Variants in NUP62CL observed in about 807,000 individuals in gnomAD.
NUP62CL encodes nucleoporin-62 C-terminal-like protein.
Under a neutral mutation model 15.3 loss-of-function variants are expected in NUP62CL, and 13 were observed. The observed-to-expected ratio is 0.85, with a 90% confidence interval of 0.55 to 1.35. The LOEUF is 1.35. Among genes scored for constraint, NUP62CL ranks in the 40% most tolerant of loss-of-function variants. The probability of loss-of-function intolerance (pLI) is 0.00; values close to 1 mark genes in which losing one functional copy is unlikely to be tolerated. For synonymous variants in NUP62CL, 54 were observed against 49.2 expected (o/e 1.10, Z -0.41); for missense variants, 123 against 130.6 (o/e 0.94, Z 0.28).
chrX:107,195,573 G>A (rs1468804460), intron 1 of NUP62CL, among the ~76,000 whole-genome samples: 1 of 112,386 alleles, frequency 8.9e-6, no homozygotes, highest in East Asian at 2.8e-4. Flanking sequence ...ACAGCATCTT[G>A]AATACTGTTA....
intron 7 of NUP62CL, among the ~76,000 whole-genome samples, chrX:107,152,423 G>A (rs1161030115): frequency 1.8e-5 from 2 of 109,270 alleles, no homozygotes; most frequent in Admixed American, 9.9e-5. Context: ...CATTTAATGC[G>A]CCTACAAAAA....
At chrX:107,150,943 A>T (rs1253118227) in intron 7 of NUP62CL, 2 of 341,437 alleles carry the variant, frequency 5.9e-6, no homozygotes, top group Non-Finnish European at 1.2e-5. Flanking sequence ...TCAGCTGAGC[A>T]TCTATACTTT....
intron 1 of NUP62CL, among the ~76,000 whole-genome samples, chrX:107,196,296 T>C (rs906004170): frequency 4.1e-4 from 46 of 112,481 alleles, no homozygotes; most frequent in African/African-American, 1.5e-3. Context: ...AAATATTTCA[T>C]ATCCTTAGCT....
intron 1 of NUP62CL, among the ~76,000 whole-genome samples, chrX:107,201,371 A>G (rs1927480845): frequency 9.0e-6 from 1 of 110,619 alleles, no homozygotes; most frequent in Non-Finnish European, 1.9e-5. Flanking sequence ...TCCCTCCTCC[A>G]GCCCCTGGTA....
chrX:107,150,724 C>A (rs755636149), intron 7 of NUP62CL: 1 of 260,701 alleles, frequency 3.8e-6, no homozygotes, highest in African/African-American at 2.8e-5. Flanking sequence ...GTCTCAAACT[C>A]TTGGCCTAAA....
At chrX:107,141,255 C>A (rs182199654) in intron 8 of NUP62CL, among the ~76,000 whole-genome samples, 14 of 111,917 alleles carry the variant, frequency 1.3e-4, no homozygotes, top group African/African-American at 4.6e-4. Context: ...AATTTTAGTA[C>A]CCTAATCAAA....
intron 1 of NUP62CL, among the ~76,000 whole-genome samples, chrX:107,193,388 G>A (rs1440543546): frequency 9.0e-6 from 1 of 111,591 alleles, no homozygotes; most frequent in Non-Finnish European, 1.9e-5. Context: ...TGAATTTGGG[G>A]TACGATTTAA....
intron 2 of NUP62CL, among the ~76,000 whole-genome samples, chrX:107,178,587 A>G (rs1001401099): frequency 1.3e-4 from 14 of 111,916 alleles, no homozygotes; most frequent in African/African-American, 4.2e-4. Context: ...TTCACCTTTA[A>G]AAGGAAAAAG....
At chrX:107,174,354 C>T (rs1013199917) in intron 3 of NUP62CL, among the ~76,000 whole-genome samples, 3 of 109,155 alleles carry the variant, frequency 2.7e-5, no homozygotes, top group Non-Finnish European at 5.7e-5. Flanking sequence ...GGTTTCACCA[C>T]ATTGCCCAGG....
At chrX:107,162,944 G>T (rs1353402519) in intron 4 of NUP62CL, among the ~76,000 whole-genome samples, 2 of 111,382 alleles carry the variant, frequency 1.8e-5, no homozygotes, top group Non-Finnish European at 3.8e-5. Flanking sequence ...TGATCTGACA[G>T]GAGGCGGAGC....
chrX:107,201,450 C>T (rs915151288), intron 1 of NUP62CL, among the ~76,000 whole-genome samples: 6 of 111,228 alleles, frequency 5.4e-5, no homozygotes, highest in Admixed American at 9.7e-5. Context: ...GGAATCATAA[C>T]AATATTTGCA....
Position 107,128,017 on chromosome X carries a change from TC to T in NUP62CL, c.*43-3686del, listed in dbSNP as rs751785288. Among the ~76,000 whole-genome samples, 17 of 111,140 alleles carry T rather than the reference TC, an allele frequency of 1.5e-4. No individual in the cohort carries two copies. The South Asian group carries it at 3.7e-3, about 24-fold the overall frequency. On this transcript the variant is annotated intron_variant, in intron 8 of 8. Coordinates refer to ENST00000372466, the MANE Select transcript of NUP62CL (RefSeq NM_017681.3). ...ACTGGAAAGAATGCAGAAAAATGGG[TC>T]CCCCCAATGAATTTCTGGTGAAAAT...
chrX:107,175,299 C>G (rs1030009617), intron 2 of NUP62CL, 106 bp from the exon 3 acceptor site: 3 of 449,018 alleles, frequency 6.7e-6, no homozygotes, highest in Non-Finnish European at 1.2e-5. Context: ...AAAAACAAAG[C>G]AAGGAAAAGC....
intron 8 of NUP62CL, among the ~76,000 whole-genome samples, chrX:107,143,546 G>GTTT (rs1925823205): frequency 9.0e-6 from 1 of 110,954 alleles, no homozygotes; most frequent in Non-Finnish European, 1.9e-5. Context: ...CAACTTTTTA[G>GTTT]TTAAATATAT....
chrX:107,157,930 G>A (rs1364212579), intron 4 of NUP62CL, among the ~76,000 whole-genome samples: 1 of 108,161 alleles, frequency 9.2e-6, no homozygotes, highest in Non-Finnish European at 1.9e-5. Flanking sequence ...AAGGATGGAG[G>A]AAGATCTACC....
intron 1 of NUP62CL, among the ~76,000 whole-genome samples, chrX:107,204,917 ATTAT>A (rs371433148): frequency 4.2e-4 from 37 of 88,547 alleles, no homozygotes; most frequent in Middle Eastern, 5.5e-3. Context: ...TTTTAAATAA[ATTAT>A]TTATTTAAAT....
chrX:107,124,270 G>A lies in NUP62CL; in HGVS notation c.*105C>T, dbSNP rs376676912. 5.9e-6 allele frequency: 2 copies of A among 341,556 alleles called. No homozygotes were observed. The highest frequency in any genetic ancestry group is 9.7e-5 in the East Asian group (1 of 10,282). 28.1% of individuals were successfully genotyped at this position (341,556 alleles called of 1,213,427 possible). A position where few individuals can be genotyped will look rare whatever the true frequency, so the allele number is the denominator to read the frequency against. On this transcript the variant is annotated 3_prime_UTR_variant, in exon 9 of 9. Transcript: ENST00000372466. ...AAAGCAGTGTTGACATTGTGTGCAT[G>A]CTCCTCGTGACGATAATCCTCGAAA...
At chrX:107,132,126 G>T (rs751908498) in intron 8 of NUP62CL, 1 of 1,176,505 alleles carries the variant, frequency 8.5e-7, no homozygotes, top group Admixed American at 2.2e-5. Flanking sequence ...AATTGGAAGA[G>T]GAAAAGATTC....
intron 4 of NUP62CL, among the ~76,000 whole-genome samples, chrX:107,164,124 T>A (rs1301654653): frequency 2.7e-5 from 3 of 111,157 alleles, no homozygotes; most frequent in Non-Finnish European, 5.7e-5. Context: ...CTAAATAAAT[T>A]TAAAAGAACT....
Sources: gnomAD v4.1 joint callset for allele counts (sites outside exome capture counted in the v4.1 genomes callset) on GRCh38, gnomAD v4.1.1 for gene constraint, MANE v1.5 for transcripts, NCBI Gene and HGNC (gene_info 2026-07-23, HGNC 2026-07-21) for gene names.